The following SLC4A5 variants were observed in gnomAD, a reference collection of about 807,000 sequenced individuals.
The protein encoded by SLC4A5 is solute carrier family 4 member 5, also known as electrogenic sodium bicarbonate cotransporter 4.
Under a neutral mutation model 120.4 loss-of-function variants are expected in SLC4A5, and 96 were observed. The observed-to-expected ratio is 0.80, with a 90% confidence interval of 0.68 to 0.94. The LOEUF is 0.94. Ranked by LOEUF, SLC4A5 falls within the 40% of genes least tolerant of loss-of-function variation. SLC4A5 has a pLI of 0.00. For missense variants in SLC4A5, 1,259 were observed against 1,459.5 expected (o/e 0.86, Z 2.24); for synonymous variants, 550 against 571.1 (o/e 0.96, Z 0.53).
intron 7 of SLC4A5, among the ~76,000 whole-genome samples, chr2:74,301,427 T>A (rs1164220033): frequency 1.3e-5 from 2 of 152,174 alleles, no homozygotes; most frequent in African/African-American, 4.8e-5. Context: ...AGGCCCCTCA[T>A]ACTCTGCAGG....
intron 28 of SLC4A5, among the ~76,000 whole-genome samples, chr2:74,224,399 C>T (rs1323446656): frequency 6.6e-6 from 1 of 152,184 alleles, no homozygotes; most frequent in Non-Finnish European, 1.5e-5. Flanking sequence ...AAAACTTGTT[C>T]CCAGCCCCTC....
chr2:74,339,104 C>T (rs1452905321), intron 2 of SLC4A5: 1 of 152,150 alleles, frequency 6.6e-6, no homozygotes, highest in Non-Finnish European at 1.5e-5. Context: ...CCTGAATGTC[C>T]ATGAATAAAG....
At position 74,227,148 on chromosome 2, in the gene SLC4A5, GCTCAGCCAGGCAGCCAGACCCCGAGGGCC is replaced by G; in HGVS notation, c.2917-47_2917-19del. 1 of 1,590,982 alleles carries G rather than the reference GCTCAGCCAGGCAGCCAGACCCCGAGGGCC, an allele frequency of 6.3e-7. No individual in the cohort carries two copies. Among genetic ancestry groups the G allele is most frequent in the East Asian group, 2.3e-5 (1 of 43,556 alleles). On this transcript the variant is annotated intron_variant, in intron 26 of 30. Transcript: ENST00000394019. Reference sequence around the variant, plus strand: ...TCCCAGAACTAGGGGGACAGCGGGGGCTCAGCCAGGCAGCCAGACCCCGAGGGCCCGCTGGGTCCTGGGACTAGGGGAAG... The same window carrying G: ...TCCCAGAACTAGGGGGACAGCGGGGGCGCTGGGTCCTGGGACTAGGGGAAG...
intron 17 of SLC4A5, among the ~76,000 whole-genome samples, chr2:74,249,801 T>A (rs2103983147): frequency 6.6e-6 from 1 of 152,262 alleles, no homozygotes; most frequent in South Asian, 2.1e-4. Context: ...ATGGGTCTTC[T>A]CCTTGGGGTA....
intron 6 of SLC4A5, among the ~76,000 whole-genome samples, chr2:74,314,476 C>T (rs1416970387): frequency 6.6e-6 from 1 of 152,194 alleles, no homozygotes; most frequent in East Asian, 1.9e-4. Flanking sequence ...AGCCGCCCAT[C>T]TGATTGCCTT....
chr2:74,229,328 C>T (rs913498223), intron 25 of SLC4A5, among the ~76,000 whole-genome samples: 4 of 151,440 alleles, frequency 2.6e-5, no homozygotes, highest in Non-Finnish European at 5.9e-5. Context: ...CGGCTCACTG[C>T]AGCCTCCACC....
intron 19 of SLC4A5, among the ~76,000 whole-genome samples, chr2:74,246,492 T>G (rs1441002464): frequency 6.6e-6 from 1 of 152,198 alleles, no homozygotes; most frequent in Admixed American, 6.5e-5. Context: ...CTCATATTCA[T>G]AAGAGGCTGA....
chr2:74,271,996 T>C (rs769337387), intron 8 of SLC4A5, among the ~76,000 whole-genome samples: 12 of 151,990 alleles, frequency 7.9e-5, no homozygotes, highest in Non-Finnish European at 1.5e-4. Flanking sequence ...GGTAGGAGGA[T>C]TAAGTCCAGG....
chr2:74,342,406 T>A (rs1296670558), intron 2 of SLC4A5, 52 bp downstream of exon 2: 1 of 152,206 alleles, frequency 6.6e-6, no homozygotes, highest in African/African-American at 2.4e-5. Flanking sequence ...TGGGAAAAGA[T>A]GACTCTCCTT....
At chr2:74,301,443 C>T (rs1339708878) in intron 7 of SLC4A5, among the ~76,000 whole-genome samples, 1 of 152,186 alleles carries the variant, frequency 6.6e-6, no homozygotes, top group Non-Finnish European at 1.5e-5. Flanking sequence ...GCAGGATGCC[C>T]CTGTTCTCTG....
At chr2:74,234,381 G>A (rs774786183) in intron 22 of SLC4A5, among the ~76,000 whole-genome samples, 14 of 152,052 alleles carry the variant, frequency 9.2e-5, no homozygotes, top group African/African-American at 2.2e-4. Context: ...GGGTTTCACC[G>A]TTACCCAAGA....
intron 27 of SLC4A5, among the ~76,000 whole-genome samples, chr2:74,225,446 G>T (rs1417670096): frequency 6.6e-6 from 1 of 152,086 alleles, no homozygotes; most frequent in Non-Finnish European, 1.5e-5. Flanking sequence ...AAGTACAAAA[G>T]TTAGCCAGGC....
chr2:74,278,985 C>T (rs2104128739), intron 8 of SLC4A5, among the ~76,000 whole-genome samples: 1 of 152,342 alleles, frequency 6.6e-6, no homozygotes, highest in East Asian at 1.9e-4. Context: ...GGAATTCCCT[C>T]AACTCCCTGC....
chr2:74,329,918 T>C (rs978284507), intron 4 of SLC4A5, among the ~76,000 whole-genome samples: 10 of 149,946 alleles, frequency 6.7e-5, no homozygotes, highest in South Asian at 4.3e-4. Flanking sequence ...AGGTGGTAAG[T>C]TGTAGACAGA....
intron 30 of SLC4A5, among the ~76,000 whole-genome samples, chr2:74,220,546 T>G (rs965800089): frequency 6.6e-6 from 1 of 152,204 alleles, no homozygotes; most frequent in Admixed American, 6.5e-5. Context: ...AGATGGAGTC[T>G]TGCTCTGTTG....
chr2:74,254,791 G>T (rs1394661921), intron 13 of SLC4A5, 85 bp from the exon 14 acceptor site: 2 of 995,874 alleles, frequency 2.0e-6, no homozygotes, highest in Non-Finnish European at 3.1e-6. Context: ...CAAGTGAAGA[G>T]AATTCTCTGG....
intron 4 of SLC4A5, among the ~76,000 whole-genome samples, chr2:74,332,676 T>C (rs948923858): frequency 6.6e-6 from 1 of 151,960 alleles, no homozygotes; most frequent in Non-Finnish European, 1.5e-5. Flanking sequence ...GAAAAGCCAA[T>C]ACACAGAATG....
chr2:74,252,088 C>T, intron 16 of SLC4A5, 91 bp downstream of exon 16: 1 of 1,412,290 alleles, frequency 7.1e-7, no homozygotes, highest in South Asian at 1.3e-5. Context: ...GTGGGCACTA[C>T]AGACCATGGT....
intron 12 of SLC4A5, among the ~76,000 whole-genome samples, chr2:74,256,133 T>G (rs1203310090): frequency 1.3e-5 from 2 of 152,102 alleles, no homozygotes; most frequent in African/African-American, 4.8e-5. Flanking sequence ...CATTAAGCCT[T>G]GTAGATGGGA....
Sources: allele counts gnomAD v4.1 joint callset (sites outside exome capture counted in the v4.1 genomes callset), GRCh38; gene constraint gnomAD v4.1.1; transcripts MANE v1.5; gene names NCBI Gene and HGNC (gene_info 2026-07-23, HGNC 2026-07-21).